TEX2: variants seen among roughly 807,000 people sequenced by gnomAD.
TEX2 encodes testis-expressed protein 2.
A neutral mutation model predicts 106.9 loss-of-function variants in TEX2; 53 were observed. The observed-to-expected ratio is 0.50, with a 90% CI of 0.40 to 0.62. The LOEUF (loss-of-function observed/expected upper bound fraction) is 0.62. Ranked by LOEUF, TEX2 falls within the 20% of genes least tolerant of loss-of-function variation. The pLI is 0.00. For missense variants in TEX2, 1,207 were observed against 1,379.0 expected (o/e 0.88, Z 1.98); for synonymous variants, 523 against 534.8 (o/e 0.98, Z 0.30).
rs372604630 is a variant in TEX2 at position 64,212,730 on chromosome 17, A to C, written c.1488T>G (p.Ser496Arg). The C allele has an allele frequency of 1.3e-4, 207 of 1,614,030 alleles. 2 individuals carry two copies. Among genetic ancestry groups the C allele is most frequent in the South Asian group, 9.2e-4 (84 of 91,086 alleles). Residue 496 changes from serine to arginine, a missense_variant, in exon 2 of 12, where the codon AGT becomes AGG. Ser to Arg is a moderately radical substitution (Grantham distance 110). Coordinates refer to ENST00000584379, the MANE Select transcript of TEX2 (RefSeq NM_001288732.2). ...CAAGGCCAATTCCCAGAAAGAGTCC[A>C]CTCACATAGTGGGGGAGGGGGAGGA... The part of the protein sequence containing the change: ...YLILPLPHYV[S>R]GLFLGIGLGF...
At chr17:64,260,712 T>A (rs35048108) in intron 1 of TEX2, among the ~76,000 whole-genome samples, 1 of 152,150 alleles carries the variant, frequency 6.6e-6, no homozygotes, top group Non-Finnish European at 1.5e-5. Context: ...TATACTAGTC[T>A]TCTGCCTTGG....
intron 1 of TEX2, among the ~76,000 whole-genome samples, chr17:64,230,324 A>G (rs1555634467): frequency 6.6e-6 from 1 of 152,190 alleles, no homozygotes; most frequent in African/African-American, 2.4e-5. Flanking sequence ...AGTGGAGGAC[A>G]AAGCAGAAGA....
intron 6 of TEX2, among the ~76,000 whole-genome samples, chr17:64,176,187 T>C (rs573152519): frequency 3.9e-5 from 6 of 152,146 alleles, no homozygotes; most frequent in Admixed American, 3.9e-4. Context: ...CAGCCCCTCC[T>C]TCCTCTTTCT....
intron 2 of TEX2, among the ~76,000 whole-genome samples, chr17:64,208,924 G>A (rs934239440): frequency 2.0e-5 from 3 of 152,218 alleles, no homozygotes; most frequent in Non-Finnish European, 4.4e-5. Context: ...ACCATGCCCA[G>A]CTAGGGATTT....
intron 1 of TEX2, among the ~76,000 whole-genome samples, chr17:64,228,524 G>A (rs782541236): frequency 6.6e-6 from 1 of 152,170 alleles, no homozygotes; most frequent in Non-Finnish European, 1.5e-5. Flanking sequence ...TCCCTCGCAT[G>A]CGCAGTTCAC....
intron 5 of TEX2, among the ~76,000 whole-genome samples, chr17:64,180,554 G>C (rs2031813131): frequency 6.6e-6 from 1 of 152,204 alleles, no homozygotes. Flanking sequence ...TGCTAGGAAG[G>C]CCCAACGAAT....
At position 64,213,630 on chromosome 17, in the gene TEX2, C is replaced by T. The variant is rs111854160; in HGVS notation, c.588G>A (p.Ser196=). The part of the protein sequence containing the change: ...KPFMSLVKSL[S]TEVEPKESPH... ...GGGATTCTTTTGGCTCCACCTCGGTCGACAGGGACTTCACAAGGCTCATGA... is the reference window on the plus strand; with the variant it reads ...GGGATTCTTTTGGCTCCACCTCGGTTGACAGGGACTTCACAAGGCTCATGA... Residue 196 remains serine (S), a synonymous_variant, in exon 2 of 12, where the codon TCG becomes TCA. Transcript: ENST00000584379. This position sits in a 1 kb window ranked among gnomAD's most constrained non-coding sequence, Gnocchi z 4.4. 6.8e-4 allele frequency: 1,096 copies of T among 1,613,946 alleles called. 8 individuals carry two copies. The African/African-American group carries it at 0.013, about 19-fold the overall frequency.
intron 2 of TEX2, among the ~76,000 whole-genome samples, chr17:64,204,666 C>A (rs748430591): frequency 6.6e-6 from 1 of 152,166 alleles, no homozygotes; most frequent in Non-Finnish European, 1.5e-5. Context: ...CAAAAAAACA[C>A]GCTCATGCCC....
chr17:64,239,875 C>CAAAAAAAAAAAAAAAAAAA (rs61705973), intron 1 of TEX2, among the ~76,000 whole-genome samples: 1 of 29,634 alleles, frequency 3.4e-5, no homozygotes, highest in Non-Finnish European at 5.7e-5. Flanking sequence ...GACTCTGTCT[C>CAAAAAAAAAAAAAAAAAAA]AAAAAAAAAA....
chr17:64,151,301 G>A (rs2030343955), intron 10 of TEX2, among the ~76,000 whole-genome samples: 1 of 152,006 alleles, frequency 6.6e-6, no homozygotes, highest in African/African-American at 2.4e-5. Context: ...AGTAGTATAT[G>A]TACATTACAA....
Position 64,177,350 on chromosome 17 carries a change from A to G in TEX2, c.2546T>C (p.Ile849Thr), listed in dbSNP as rs372393627. The change falls in exon 6 of 12, where the codon ATC becomes ACC. Residue 849 changes from isoleucine (I) to threonine (T), a missense_variant. Ile to Thr is a moderately conservative substitution (Grantham distance 89, BLOSUM62 -1). This residue lies in a region of TEX2 where 1,067 missense variants were observed against 1,193.6 expected (regional missense o/e 0.89). Coordinates refer to ENST00000584379, the MANE Select transcript of TEX2 (RefSeq NM_001288732.2). ...CTTTATTTTGCTGAGTTTCATTTGG[A>G]TCTTCTTAGACACCAGATCAGACCA... ...KYWSDLVSKKIQMKLSKIKLP... is the reference protein window; with the variant it reads ...KYWSDLVSKKTQMKLSKIKLP... 3.5e-5 allele frequency: 57 copies of G among 1,614,014 alleles called. No homozygotes were observed. The highest frequency in any genetic ancestry group is 4.8e-5 in the Non-Finnish European group (57 of 1,180,016).
chr17:64,259,215 T>TC (rs1262456331), intron 1 of TEX2, among the ~76,000 whole-genome samples: 5 of 152,196 alleles, frequency 3.3e-5, no homozygotes, highest in African/African-American at 1.2e-4. Context: ...GCCTTCTGAC[T>TC]CCAAGTCTAG....
Position 64,246,065 on chromosome 17 carries a change from A to G in TEX2, c.-26+17103T>C, listed in dbSNP as rs144317203. On this transcript the variant is annotated intron_variant, in intron 1 of 11. Transcript: ENST00000584379. ...GCCAATGGTCTAAGAAGTCCTCAGAAGCAATATGGAAAGGAGACCTTTCTC... is the reference window on the plus strand; with the variant it reads ...GCCAATGGTCTAAGAAGTCCTCAGAGGCAATATGGAAAGGAGACCTTTCTC... Among the ~76,000 whole-genome samples the G allele has an allele frequency of 4.5e-4, 68 of 152,324 alleles. 1 individual carries two copies. Among genetic ancestry groups the G allele is most frequent in the South Asian group, 8.3e-4 (4 of 4,832 alleles).
chr17:64,259,038 G>A (rs1023981285), intron 1 of TEX2, among the ~76,000 whole-genome samples: 1 of 152,176 alleles, frequency 6.6e-6, no homozygotes, highest in Non-Finnish European at 1.5e-5. Context: ...ATGAGCCACC[G>A]CGCCCTGTCC....
In TEX2 at chr17:64,233,184, C is replaced by A. The variant is rs557043858; in HGVS notation, c.-25-18942G>T. Among the ~76,000 whole-genome samples the A allele has an allele frequency of 9.2e-5, 14 of 152,278 alleles. No individual in the cohort carries two copies. In the South Asian group the frequency reaches 1.9e-3, roughly 20 times the overall value. On this transcript the variant is annotated intron_variant, in intron 1 of 11. Transcript: ENST00000584379. ...ACCACACACACAACTACCCCACCCC[C>A]AAACACACACACATACCCTGCCCCG...
chr17:64,235,708 C>T (rs11867224), intron 1 of TEX2, among the ~76,000 whole-genome samples: 3 of 152,134 alleles, frequency 2.0e-5, no homozygotes, highest in African/African-American at 7.2e-5. Flanking sequence ...ACCAGCAGGC[C>T]TAGGTCATCC....
At chr17:64,187,229 A>G (rs1234992596) in intron 5 of TEX2, among the ~76,000 whole-genome samples, 1 of 152,226 alleles carries the variant, frequency 6.6e-6, no homozygotes, top group African/African-American at 2.4e-5. Context: ...CACTTTGTAA[A>G]GAATGTTCAT....
At chr17:64,242,599 C>T (rs1238001802) in intron 1 of TEX2, among the ~76,000 whole-genome samples, 4 of 152,110 alleles carry the variant, frequency 2.6e-5, no homozygotes, top group Admixed American at 6.5e-5. Context: ...CAGTTTCAGA[C>T]CTGTGGTGCC....
intron 1 of TEX2, among the ~76,000 whole-genome samples, chr17:64,231,019 C>T (rs2033643147): frequency 6.6e-6 from 1 of 152,236 alleles, no homozygotes; most frequent in Non-Finnish European, 1.5e-5. Context: ...TTGTCTTGCT[C>T]AGCCCAGCTG....
Sources: gnomAD v4.1 joint callset for allele counts (sites outside exome capture counted in the v4.1 genomes callset) on GRCh38, gnomAD v4.1.1 for gene constraint, gnomAD v4.1.1 regional missense constraint, Gnocchi (gnomAD v3.1) non-coding constraint, MANE v1.5 for transcripts, NCBI Gene and HGNC (gene_info 2026-07-23, HGNC 2026-07-21) for gene names.